The following KLF8 variants were observed in gnomAD, a reference collection of about 807,000 sequenced individuals.
KLF8 encodes Krueppel-like factor 8.
In KLF8, 10 loss-of-function variants were observed where a neutral mutation model predicts 18.2. The ratio of observed to expected loss-of-function variants is 0.55; its 90% CI spans 0.34 to 0.93. The LOEUF (loss-of-function observed/expected upper bound fraction) is 0.93, where lower values mean the gene tolerates loss of function less well. KLF8 is among the 40% of genes least tolerant of loss of function. The probability of loss-of-function intolerance (pLI) is 0.02; values close to 1 mark genes in which losing one functional copy is unlikely to be tolerated. For missense variants in KLF8, 264 were observed against 277.9 expected (o/e 0.95, Z 0.36); for synonymous variants, 109 against 97.3 (o/e 1.12, Z -0.71).
chrX:55,952,060 G>A, the KLF8 span, among the ~76,000 whole-genome samples: 1 of 111,835 alleles, frequency 8.9e-6, no homozygotes, highest in Non-Finnish European at 1.9e-5. Context: ...GCTATAATTT[G>A]GTAAGCTATT....
intron 1 of KLF8, among the ~76,000 whole-genome samples, chrX:56,247,627 T>C (rs1005505004): frequency 1.8e-5 from 2 of 110,864 alleles, no homozygotes; most frequent in Non-Finnish European, 3.8e-5. Flanking sequence ...CAAGTTTTTG[T>C]TAAAAACTAA....
the KLF8 span, among the ~76,000 whole-genome samples, chrX:56,113,380 G>A: frequency 1.8e-5 from 2 of 108,612 alleles, no homozygotes; most frequent in South Asian, 7.9e-4. Flanking sequence ...CTGAAAATAA[G>A]AGTTTTCTCC....
chrX:55,989,026 T>C, the KLF8 span, among the ~76,000 whole-genome samples: 12 of 111,968 alleles, frequency 1.1e-4, no homozygotes, highest in African/African-American at 3.9e-4. Context: ...TGTATAAGAA[T>C]GCTTGTGATT....
chrX:55,982,903 T>C, the KLF8 span, among the ~76,000 whole-genome samples: 2 of 112,027 alleles, frequency 1.8e-5, no homozygotes, highest in Non-Finnish European at 3.8e-5. Context: ...GTAAGGTAAA[T>C]GAATGAAGTA....
chrX:55,969,398 A>G, the KLF8 span, among the ~76,000 whole-genome samples: 1 of 111,884 alleles, frequency 8.9e-6, no homozygotes, highest in Non-Finnish European at 1.9e-5. Flanking sequence ...AATTTTTTTG[A>G]AACAAGTGAA....
chrX:55,958,646 G>A, the KLF8 span, among the ~76,000 whole-genome samples: 1 of 112,187 alleles, frequency 8.9e-6, no homozygotes, highest in African/African-American at 3.2e-5. Flanking sequence ...GGAATAGACA[G>A]AATAGAAATG....
chrX:56,099,662 C>A, the KLF8 span, among the ~76,000 whole-genome samples: 1 of 111,777 alleles, frequency 8.9e-6, no homozygotes, highest in Non-Finnish European at 1.9e-5. Context: ...GAATGCAAAA[C>A]AGCCTTGTTG....
chrX:56,269,424 C>A lies in KLF8; in HGVS notation c.693C>A (p.Asp231Glu), dbSNP rs370185272. 9.1e-6 allele frequency: 11 copies of A among 1,207,446 alleles called. No homozygotes were observed. In the African/African-American group the frequency reaches 1.9e-4, roughly 21 times the overall value. ...TGTCTCCACTGGAAATTCCAAGTGA[C>A]AGTGAGGAGAGTACAATTGAGAGTG... Reference protein sequence around the residue: ...TSMSPLEIPSDSEESTIESGS... With the variant: ...TSMSPLEIPSESEESTIESGS... The change falls in exon 4 of 6, where the codon GAC becomes GAA. Residue 231 changes from aspartate (D) to glutamate (E), a missense_variant. Asp to Glu is a conservative substitution (Grantham distance 45). Coordinates refer to ENST00000468660, the MANE Select transcript of KLF8 (RefSeq NM_007250.5).
rs1465820088 is a variant in KLF8, at chrX:56,286,923, A to G, written c.*2429A>G. On this transcript the variant is annotated 3_prime_UTR_variant, in exon 6 of 6. Transcript: ENST00000468660. ...TGAACTAACATAAGTTTAAGCTAAT[A>G]ATTCAGTAGTTGATGCAGTATTTCA... 8.9e-6 allele frequency: 1 copy of G among 111,951 alleles called. No homozygotes were observed. Among genetic ancestry groups the G allele is most frequent in the Non-Finnish European group, 1.9e-5 (1 of 53,186 alleles). 9.2% of individuals were successfully genotyped at this position (111,951 alleles called of 1,213,427 possible). A position where few individuals can be genotyped will look rare whatever the true frequency, so the allele number is the denominator to read the frequency against.
Position 56,265,601 on chromosome X carries a change from T to G in KLF8, c.503T>G (p.Leu168Arg), listed in dbSNP as rs771429775. Residue 168 changes from leucine to arginine, a missense_variant, in exon 3 of 6, where the codon CTG becomes CGG. This residue lies in a region of KLF8 where 221 missense variants were observed against 193.6 expected (regional missense o/e 1.14). Coordinates refer to ENST00000468660, the MANE Select transcript of KLF8 (RefSeq NM_007250.5). ...ATTCACACTATCCCCTCAGTCAGTC[T>G]GCCAAATAAGATGGGTGGCCTGAAG... Reference protein sequence around the residue: ...HVIHTIPSVSLPNKMGGLKTI... With the variant: ...HVIHTIPSVSRPNKMGGLKTI... 131 of 1,210,363 alleles carry G rather than the reference T, an allele frequency of 1.1e-4. No individual in the cohort carries two copies. Among genetic ancestry groups the G allele is most frequent in the Non-Finnish European group, 1.4e-4 (127 of 895,307 alleles).
the KLF8 span, among the ~76,000 whole-genome samples, chrX:56,206,987 G>A: frequency 8.9e-6 from 1 of 112,851 alleles, no homozygotes; most frequent in East Asian, 2.8e-4. Context: ...CCACATGGAA[G>A]CTGCCAAGGC....
the KLF8 span, among the ~76,000 whole-genome samples, chrX:56,209,547 T>G: frequency 8.9e-6 from 1 of 111,840 alleles, no homozygotes; most frequent in African/African-American, 3.2e-5. Flanking sequence ...GATAATTGCT[T>G]GAACCCATGA....
At chrX:55,928,164 A>T in the KLF8 span, among the ~76,000 whole-genome samples, 1 of 111,896 alleles carries the variant, frequency 8.9e-6, no homozygotes, top group Non-Finnish European at 1.9e-5. Context: ...TGAAGAATGT[A>T]AATTGACTGA....
chrX:56,283,630 C>G (rs2067230826), intron 5 of KLF8, among the ~76,000 whole-genome samples: 1 of 111,782 alleles, frequency 8.9e-6, no homozygotes, highest in African/African-American at 3.3e-5. Context: ...CTCTGCCTCT[C>G]AAAGTGCTGG....
At chrX:55,922,781 A>G in the KLF8 span, among the ~76,000 whole-genome samples, 8 of 112,302 alleles carry the variant, frequency 7.1e-5, no homozygotes, top group Non-Finnish European at 1.5e-4. Context: ...GTGAGATACC[A>G]TCTCACACCA....
rs2147718004 is a variant in KLF8, at chrX:56,290,526, T to C, written c.*6032T>C. On this transcript the variant is annotated 3_prime_UTR_variant, in exon 6 of 6. Coordinates refer to ENST00000468660, the MANE Select transcript of KLF8 (RefSeq NM_007250.5). The stretch of plus-strand genomic sequence containing the variant: ...ACAATACGATTATCATCTGTTTCCA[T>C]ACTTGAAATGTATTAGGACCTAAAG... Among the ~76,000 whole-genome samples the C allele has an allele frequency of 9.0e-6, 1 of 111,708 alleles. No homozygotes were observed. The highest frequency in any genetic ancestry group is 1.9e-5 in the Non-Finnish European group (1 of 53,087).
At chrX:56,257,124 T>A (rs2066808231) in intron 2 of KLF8, among the ~76,000 whole-genome samples, 1 of 111,713 alleles carries the variant, frequency 9.0e-6, no homozygotes, top group Non-Finnish European at 1.9e-5. Flanking sequence ...AAATTCCTCT[T>A]GTTATTAATT....
At chrX:56,050,421 C>T in the KLF8 span, among the ~76,000 whole-genome samples, 55 of 112,033 alleles carry the variant, frequency 4.9e-4, no homozygotes, top group African/African-American at 1.7e-3. Context: ...ATAAATTTCC[C>T]TCTACACACT....
At chrX:56,009,565 C>T in the KLF8 span, among the ~76,000 whole-genome samples, 25 of 112,159 alleles carry the variant, frequency 2.2e-4, no homozygotes, top group African/African-American at 8.1e-4. Flanking sequence ...TCCAAATGAT[C>T]ACAACACCAC....
Sources: allele counts gnomAD v4.1 joint callset (sites outside exome capture counted in the v4.1 genomes callset), GRCh38; gene constraint gnomAD v4.1.1; regional missense constraint gnomAD v4.1.1; transcripts MANE v1.5; gene names NCBI Gene and HGNC (gene_info 2026-07-23, HGNC 2026-07-21).